The following GCN1 variants were observed in gnomAD, a reference collection of about 807,000 sequenced individuals.
The protein encoded by GCN1 is GCN1 activator of EIF2AK4.
GCN1 carries 90 observed loss-of-function variants against 288.4 expected under a neutral mutation model. The observed-to-expected ratio is 0.31, with a 90% CI of 0.26 to 0.37. GCN1 has a LOEUF of 0.37. Ranked by LOEUF, GCN1 falls within the 10% of genes least tolerant of loss-of-function variation. The pLI is 1.00. For synonymous variants in GCN1, 1,386 were observed against 1,420.2 expected, an observed-to-expected ratio of 0.98 and a Z score of 0.54; for missense variants, 2,586 against 3,419.9, an observed-to-expected ratio of 0.76 and a Z score of 6.08.
intron 5 of GCN1, among the ~76,000 whole-genome samples, chr12:120,181,613 G>T (rs551775200): frequency 1.3e-4 from 19 of 151,220 alleles, no homozygotes; most frequent in African/African-American, 4.4e-4. Context: ...GCCGAGGCGG[G>T]CGGATCACCT....
chr12:120,194,505 CGGG>C, intron 1 of GCN1, among the ~76,000 whole-genome samples, 172 bp downstream of exon 1: 1 of 152,348 alleles, frequency 6.6e-6, no homozygotes, highest in East Asian at 1.9e-4. Flanking sequence ...CTGCGCCGCC[CGGG>C]CCGGGCCAAG....
chr12:120,182,413 C>G (rs1878694720), intron 5 of GCN1, among the ~76,000 whole-genome samples: 1 of 152,216 alleles, frequency 6.6e-6, no homozygotes. Context: ...AGCCCTCTAT[C>G]TAACCAGCAG....
At chr12:120,191,055 T>C (rs1455142266) in intron 1 of GCN1, among the ~76,000 whole-genome samples, 1 of 152,174 alleles carries the variant, frequency 6.6e-6, no homozygotes, top group East Asian at 1.9e-4. Flanking sequence ...CTCATATGAC[T>C]GTTATGGAGC....
Position 120,137,492 on chromosome 12 carries a change from G to T in GCN1, c.6663+53C>A. On this transcript the variant is annotated intron_variant, in intron 49 of 57. Transcript: ENST00000300648. The surrounding 1 kb of genome is among the most constrained non-coding windows in gnomAD (Gnocchi z 5.2). ...TTCTTATAAGTCTATTCCTGTAAAT[G>T]TCTGGAATTTTCTAAAAGCAAAAGT... 1 of 1,582,898 alleles carries T rather than the reference G, an allele frequency of 6.3e-7. No individual in the cohort carries two copies. The highest frequency in any genetic ancestry group is 8.7e-7 in the Non-Finnish European group (1 of 1,154,710).
In GCN1 at chr12:120,147,283, A is replaced by C. The variant is rs981625432; in HGVS notation, c.4727-11T>G. The C allele has an allele frequency of 1.3e-6, 2 of 1,530,050 alleles. No individual in the cohort carries two copies. Among genetic ancestry groups the C allele is most frequent in the Non-Finnish European group, 1.8e-6 (2 of 1,113,440 alleles). 94.8% of individuals were successfully genotyped at this position (1,530,050 alleles called of 1,614,324 possible). A position where few individuals can be genotyped will look rare whatever the true frequency, so the allele number is the denominator to read the frequency against. ...GGACTGGAGCAATGGCTGCACATCC[A>C]AAGAGAAGAGAGCTGGATGATATAC... is the stretch of plus-strand genomic sequence containing the variant. On this transcript the variant is annotated splice_polypyrimidine_tract_variant and intron_variant, in intron 37 of 57. Transcript: ENST00000300648.
At chr12:120,190,224 CAAAAA>C (rs34357352) in intron 2 of GCN1, 69 bp downstream of exon 2, 648 of 572,614 alleles carry the variant, frequency 1.1e-3, no homozygotes, top group East Asian at 2.2e-3. Context: ...GACTCTGTCT[CAAAAA>C]AAAAAAAAAA....
intron 2 of GCN1, among the ~76,000 whole-genome samples, chr12:120,185,495 A>G (rs922532846): frequency 1.3e-5 from 2 of 152,216 alleles, no homozygotes; most frequent in Admixed American, 1.3e-4. Flanking sequence ...GAGAGGACTA[A>G]TAACACCCTA....
At chr12:120,191,376 G>A (rs1165519711) in intron 1 of GCN1, among the ~76,000 whole-genome samples, 3 of 152,342 alleles carry the variant, frequency 2.0e-5, no homozygotes, top group Admixed American at 1.3e-4. Context: ...GTGATGGGGG[G>A]CAGTTTGCAA....
At chr12:120,161,120 T>C (rs1877911760) in intron 22 of GCN1, among the ~76,000 whole-genome samples, 1 of 152,214 alleles carries the variant, frequency 6.6e-6, no homozygotes, top group South Asian at 2.1e-4. Context: ...AATCAAGTCA[T>C]GATTCCCCAG....
In GCN1 at chr12:120,142,290, C is replaced by A. The variant is rs1877222113; in HGVS notation, c.5829+217G>T. Among the ~76,000 whole-genome samples, 1 of 152,086 alleles carries A rather than the reference C, an allele frequency of 6.6e-6. No homozygotes were observed. The highest frequency in any genetic ancestry group is 6.6e-5 in the Admixed American group (1 of 15,262). On this transcript the variant is annotated intron_variant, in intron 44 of 57. Coordinates refer to ENST00000300648, the MANE Select transcript of GCN1 (RefSeq NM_006836.2). The surrounding 1 kb of genome is among the most constrained non-coding windows in gnomAD (Gnocchi z 4.9). Reference sequence around the variant, plus strand: ...GCAGTGAGCTGAGATCACGCCACTGCACTTCAGCCTGGGCGACAGAGCAAG... The same window carrying A: ...GCAGTGAGCTGAGATCACGCCACTGAACTTCAGCCTGGGCGACAGAGCAAG...
Position 120,150,050 on chromosome 12 carries a change from G to GA in GCN1, c.4310-8dup. The GA allele has an allele frequency of 6.2e-7, 1 of 1,613,720 alleles. No homozygotes were observed. Among genetic ancestry groups the GA allele is most frequent in the East Asian group, 2.2e-5 (1 of 44,874 alleles). On this transcript the variant is annotated splice_polypyrimidine_tract_variant and splice_region_variant and intron_variant, in intron 34 of 57. Coordinates refer to ENST00000300648, the MANE Select transcript of GCN1 (RefSeq NM_006836.2). The stretch of plus-strand genomic sequence containing the variant: ...TCGAAGGCAAAGAGGGCTCCTAGGG[G>GA]AAAAGAAGGTGGGACGGCTGGGAAG...
intron 24 of GCN1, among the ~76,000 whole-genome samples, chr12:120,159,212 C>T (rs1299859810): frequency 6.6e-6 from 1 of 152,126 alleles, no homozygotes; most frequent in African/African-American, 2.4e-5. Context: ...AGCATCTCCA[C>T]CTCTACGCAA....
intron 37 of GCN1, among the ~76,000 whole-genome samples, chr12:120,147,567 T>C (rs1877401880): frequency 6.6e-6 from 1 of 152,260 alleles, no homozygotes; most frequent in Non-Finnish European, 1.5e-5. Flanking sequence ...AAATTTCTGG[T>C]TTGCCTATCG....
intron 22 of GCN1, among the ~76,000 whole-genome samples, chr12:120,161,167 G>A (rs931554434): frequency 1.2e-4 from 18 of 152,204 alleles, no homozygotes; most frequent in Admixed American, 1.0e-3. Context: ...CTGCTATCAG[G>A]AGTCTAGATG....
At chr12:120,160,304 T>G in intron 22 of GCN1, 49 bp from the exon 23 acceptor site, 1 of 1,280,870 alleles carries the variant, frequency 7.8e-7, no homozygotes, top group Non-Finnish European at 1.1e-6. Context: ...GGAACAGACC[T>G]CCCTCCCCAA....
chr12:120,152,018 G>GT (rs1877571205), intron 33 of GCN1, among the ~76,000 whole-genome samples: 1 of 143,768 alleles, frequency 7.0e-6, no homozygotes, highest in South Asian at 2.1e-4. Flanking sequence ...TTTTGGTAAA[G>GT]TTTTTTGTTG....
Position 120,144,206 on chromosome 12 carries a change from G to A in GCN1, c.5495+100C>T, listed in dbSNP as rs1877287240. ...GCCAGGGCTCATCGTAAACTCCTGG[G>A]TTTAAGCAATCCTCCTGCCTCGGCT... On this transcript the variant is annotated intron_variant, in intron 42 of 57. Coordinates refer to ENST00000300648, the MANE Select transcript of GCN1 (RefSeq NM_006836.2). The surrounding 1 kb of genome is among the most constrained non-coding windows in gnomAD (Gnocchi z 4.7). 1 of 1,358,596 alleles carries A rather than the reference G, an allele frequency of 7.4e-7. No homozygotes were observed. Among genetic ancestry groups the A allele is most frequent in the Admixed American group, 1.8e-5 (1 of 55,248 alleles). 84.2% of individuals were successfully genotyped at this position (1,358,596 alleles called of 1,614,324 possible). A position where few individuals can be genotyped will look rare whatever the true frequency, so the allele number is the denominator to read the frequency against.
At chr12:120,192,807 G>A (rs1259335107) in intron 1 of GCN1, among the ~76,000 whole-genome samples, 1 of 151,328 alleles carries the variant, frequency 6.6e-6, no homozygotes, top group African/African-American at 2.4e-5. Flanking sequence ...CACTTTGGGA[G>A]ACAGAGGCGG....
At chr12:120,161,617 A>G (rs943054593) in intron 21 of GCN1, 34 bp from the exon 22 acceptor site, 6 of 1,498,484 alleles carry the variant, frequency 4.0e-6, no homozygotes, top group Admixed American at 1.7e-5. Flanking sequence ...AGCCAGCTTG[A>G]AAAGCACCGC....
Sources: gnomAD v4.1 joint callset for allele counts (sites outside exome capture counted in the v4.1 genomes callset) on GRCh38, gnomAD v4.1.1 for gene constraint, Gnocchi (gnomAD v3.1) non-coding constraint, MANE v1.5 for transcripts, NCBI Gene and HGNC (gene_info 2026-07-23, HGNC 2026-07-21) for gene names.